OSBPL8: variants seen among roughly 807,000 people sequenced by gnomAD.
OSBPL8 encodes oxysterol-binding protein-related protein 8.
OSBPL8 carries 59 observed loss-of-function variants against 125.5 expected under a neutral mutation model. The ratio of observed to expected loss-of-function variants is 0.47; its 90% CI spans 0.38 to 0.58. OSBPL8 has a LOEUF of 0.58. Ranked by LOEUF, OSBPL8 falls within the 20% of genes least tolerant of loss-of-function variation. The pLI is 0.00. For missense variants in OSBPL8, 758 were observed against 1,047.8 expected (o/e 0.72, Z 3.82); for synonymous variants, 330 against 338.9 (o/e 0.97, Z 0.29).
chr12:76,442,070 G>A (rs1872251461), intron 4 of OSBPL8, among the ~76,000 whole-genome samples: 1 of 152,060 alleles, frequency 6.6e-6, no homozygotes, highest in Non-Finnish European at 1.5e-5. Flanking sequence ...TATACCTACT[G>A]TGTACCCACA....
rs540794583 is a variant in OSBPL8 at position 76,488,464 on chromosome 12, C to G, written c.-67-846G>C. 2.0e-5 allele frequency among the ~76,000 whole-genome samples: 3 copies of G among 152,304 alleles called. No individual in the cohort carries two copies. In the South Asian group the frequency reaches 6.2e-4, roughly 32 times the overall value. On this transcript the variant is annotated intron_variant, in intron 1 of 23. Coordinates refer to ENST00000261183, the MANE Select transcript of OSBPL8 (RefSeq NM_020841.5). ...TTTTTTACAAAATGAAGGTTGGTGA[C>G]AGCCTTGCAGCAAGTAAGTCTATCG...
intron 1 of OSBPL8, among the ~76,000 whole-genome samples, chr12:76,519,221 CT>C (rs1333031239): frequency 1.3e-5 from 2 of 152,194 alleles, no homozygotes; most frequent in Non-Finnish European, 1.5e-5. Context: ...AGTCATTACT[CT>C]TAAGTTCGAC....
At chr12:76,551,787 T>C (rs1950945638) in intron 1 of OSBPL8, among the ~76,000 whole-genome samples, 1 of 152,194 alleles carries the variant, frequency 6.6e-6, no homozygotes, top group Non-Finnish European at 1.5e-5. Context: ...CGGATATTAT[T>C]ACAGTCTCGA....
intron 2 of OSBPL8, among the ~76,000 whole-genome samples, chr12:76,471,803 T>C (rs1232994988): frequency 6.6e-6 from 1 of 152,258 alleles, no homozygotes; most frequent in African/African-American, 2.4e-5. Context: ...CTTTCACTTC[T>C]TCAAACATAC....
Position 76,355,913 on chromosome 12 carries a change from G to T in OSBPL8, c.2646C>A (p.Val882=). Residue 882 remains valine, a synonymous_variant, in exon 24 of 24, where the codon GTC becomes GTA. Coordinates refer to ENST00000261183, the MANE Select transcript of OSBPL8 (RefSeq NM_020841.5). The part of the protein sequence containing the change: ...FIIFLLILLQ[V]IINFMFK ...TCTACTTGAACATGAAGTTTATTAT[G>T]ACTTGAAGCAAAATCAGGAGGAAAA... The T allele has an allele frequency of 6.2e-7, 1 of 1,613,460 alleles. No individual in the cohort carries two copies. The highest frequency in any genetic ancestry group is 1.1e-5 in the South Asian group (1 of 91,010).
At chr12:76,417,954 A>C (rs1868916670) in intron 4 of OSBPL8, among the ~76,000 whole-genome samples, 1 of 151,438 alleles carries the variant, frequency 6.6e-6, no homozygotes, top group Non-Finnish European at 1.5e-5. Flanking sequence ...TTGTAATAAT[A>C]ATTAGAGACC....
intron 15 of OSBPL8, among the ~76,000 whole-genome samples, chr12:76,379,193 A>T (rs1469400911): frequency 1.3e-5 from 2 of 152,138 alleles, no homozygotes; most frequent in African/African-American, 2.4e-5. Context: ...TAAAACCATT[A>T]TTTTTTAGCT....
intron 7 of OSBPL8, among the ~76,000 whole-genome samples, chr12:76,399,211 G>A (rs1351753547): frequency 6.6e-6 from 1 of 152,164 alleles, no homozygotes; most frequent in African/African-American, 2.4e-5. Flanking sequence ...GCCTTAGTAA[G>A]TCTTGGCAAA....
chr12:76,516,922 C>A (rs1039361755), intron 1 of OSBPL8, among the ~76,000 whole-genome samples: 6 of 150,792 alleles, frequency 4.0e-5, no homozygotes, highest in African/African-American at 1.5e-4. Context: ...TCAAGTGATT[C>A]TCCTGTCTCG....
At chr12:76,554,326 G>A (rs117762977) in intron 1 of OSBPL8, among the ~76,000 whole-genome samples, 2,847 of 152,306 alleles carry the variant, frequency 0.019, 41 homozygotes, top group Admixed American at 0.027. Flanking sequence ...GACTCAGGAA[G>A]ATCACAAGGT....
Position 76,405,824 on chromosome 12 carries a change from C to T in OSBPL8, c.289-3058G>A, listed in dbSNP as rs1954239371. Among the ~76,000 whole-genome samples the T allele has an allele frequency of 3.3e-5, 5 of 152,158 alleles. No homozygotes were observed. In the South Asian group the frequency reaches 1.0e-3, roughly 32 times the overall value. ...TTATTGACCACTCTCTTAATGATGACCATCAAGATAGGCAGGTTTAATGTA... is the reference window on the plus strand; with the variant it reads ...TTATTGACCACTCTCTTAATGATGATCATCAAGATAGGCAGGTTTAATGTA... On this transcript the variant is annotated intron_variant, in intron 5 of 23. Coordinates refer to ENST00000261183, the MANE Select transcript of OSBPL8 (RefSeq NM_020841.5).
At chr12:76,424,121 C>T (rs959241657) in intron 4 of OSBPL8, among the ~76,000 whole-genome samples, 1 of 152,124 alleles carries the variant, frequency 6.6e-6, no homozygotes, top group African/African-American at 2.4e-5. Flanking sequence ...CTGCCTCAGC[C>T]TCCCAAGTAG....
intron 1 of OSBPL8, among the ~76,000 whole-genome samples, chr12:76,499,839 C>T (rs1035803849): frequency 2.8e-5 from 4 of 143,714 alleles, no homozygotes; most frequent in Non-Finnish European, 6.0e-5. Context: ...GGTGGCAAAG[C>T]GAGACTCCAT....
intron 2 of OSBPL8, among the ~76,000 whole-genome samples, chr12:76,472,706 T>C (rs539069793): frequency 2.6e-5 from 4 of 152,318 alleles, no homozygotes; most frequent in Admixed American, 6.5e-5. Context: ...ACACCATTAT[T>C]TCTGTATATC....
chr12:76,549,982 G>T (rs1950890853), intron 1 of OSBPL8, among the ~76,000 whole-genome samples: 1 of 151,244 alleles, frequency 6.6e-6, no homozygotes, highest in African/African-American at 2.4e-5. Flanking sequence ...AGAGTAAGGA[G>T]AAAGGAAGTT....
chr12:76,437,982 T>TTTTTTTA (rs918428585), intron 4 of OSBPL8, among the ~76,000 whole-genome samples: 1 of 152,182 alleles, frequency 6.6e-6, no homozygotes, highest in Middle Eastern at 3.4e-3. Flanking sequence ...AAACTTCTTC[T>TTTTTTTA]TTTTTTATTT....
intron 1 of OSBPL8, among the ~76,000 whole-genome samples, chr12:76,495,256 G>A (rs1042874143): frequency 6.6e-6 from 1 of 152,178 alleles, no homozygotes; most frequent in African/African-American, 2.4e-5. Flanking sequence ...TAAGCTGTAT[G>A]TTATATGCAA....
At chr12:76,506,136 A>G (rs575980651) in intron 1 of OSBPL8, among the ~76,000 whole-genome samples, 1 of 152,248 alleles carries the variant, frequency 6.6e-6, no homozygotes, top group Non-Finnish European at 1.5e-5. Flanking sequence ...AATTTTTTAA[A>G]AAAGAGAGGC....
intron 3 of OSBPL8, among the ~76,000 whole-genome samples, chr12:76,456,865 A>T (rs541121624): frequency 1.1e-4 from 17 of 152,230 alleles, no homozygotes; most frequent in Non-Finnish European, 2.5e-4. Context: ...TCTGTTTACA[A>T]GATGAATCAT....
Sources: allele counts gnomAD v4.1 joint callset (sites outside exome capture counted in the v4.1 genomes callset), GRCh38; gene constraint gnomAD v4.1.1; transcripts MANE v1.5; gene names NCBI Gene and HGNC (gene_info 2026-07-23, HGNC 2026-07-21).